SCG5: variants seen among roughly 807,000 people sequenced by gnomAD.
The protein encoded by SCG5 is neuroendocrine protein 7B2.
Under a neutral mutation model 25.7 loss-of-function variants are expected in SCG5, and 18 were observed. The ratio of observed to expected loss-of-function variants is 0.70; its 90% CI spans 0.48 to 1.04. The LOEUF (loss-of-function observed/expected upper bound fraction) is 1.04, where lower values mean the gene tolerates loss of function less well. Ranked by LOEUF, SCG5 falls within the 50% of genes least tolerant of loss-of-function variation. The probability of loss-of-function intolerance (pLI) is 0.00; values close to 1 mark genes in which losing one functional copy is unlikely to be tolerated. For synonymous variants in SCG5, 101 were observed against 91.7 expected, an observed-to-expected ratio of 1.10 and a Z score of -0.58; for missense variants, 206 against 259.8, an observed-to-expected ratio of 0.79 and a Z score of 1.42.
chr15:32,678,076 G>A (rs781544087), intron 2 of SCG5, among the ~76,000 whole-genome samples: 6 of 152,184 alleles, frequency 3.9e-5, no homozygotes, highest in South Asian at 2.1e-4. Context: ...AAATAACATG[G>A]ATTAAAGAGT....
intron 4 of SCG5, among the ~76,000 whole-genome samples, chr15:32,688,170 G>A (rs904027945): frequency 2.0e-5 from 3 of 152,078 alleles, no homozygotes; most frequent in African/African-American, 7.2e-5. Flanking sequence ...CCTGTCCTGT[G>A]TGGTAGTCCT....
At chr15:32,645,857 G>A (rs900522430) in intron 2 of SCG5, among the ~76,000 whole-genome samples, 2 of 151,996 alleles carry the variant, frequency 1.3e-5, no homozygotes, top group East Asian at 1.9e-4. Context: ...GTCTCACTCT[G>A]TCACCCAGGC....
rs150285084 is a variant in SCG5, at chr15:32,647,630, C to T, written c.226+3812C>T. ...CTTTCCTCACATGCCAATTGTACTT[C>T]TTCACCTCTCATTCTCTCCTGGTCC... On this transcript the variant is annotated intron_variant, in intron 2 of 5. Transcript: ENST00000300175. 5.5e-3 allele frequency among the ~76,000 whole-genome samples: 836 copies of T among 152,286 alleles called. 4 individuals are homozygous for T. The highest frequency in any genetic ancestry group is 0.019 in the African/African-American group (787 of 41,530).
rs775901071 is a variant in SCG5 at position 32,691,916 on chromosome 15, A to C, written c.543+153A>C. 37 of 1,476,536 alleles carry C rather than the reference A, an allele frequency of 2.5e-5. No homozygotes were observed. The South Asian group carries it at 5.1e-4, about 20-fold the overall frequency. 91.5% of individuals were successfully genotyped at this position (1,476,536 alleles called of 1,614,324 possible). On this transcript the variant is annotated intron_variant, in intron 5 of 5. Transcript: ENST00000300175. ...GGTCCATGTGACAAGGGCCACACCC[A>C]GAAAGTCTGTCCTTGGTTTCTGCGA...
chr15:32,652,828 C>G (rs1401226742), intron 2 of SCG5, among the ~76,000 whole-genome samples: 2 of 152,146 alleles, frequency 1.3e-5, no homozygotes, highest in East Asian at 3.8e-4. Context: ...TTAACTTTTA[C>G]AACTATAACT....
intron 2 of SCG5, among the ~76,000 whole-genome samples, chr15:32,678,156 G>A (rs1341070298): frequency 6.6e-6 from 1 of 152,208 alleles, no homozygotes; most frequent in East Asian, 1.9e-4. Context: ...CAACGATTTT[G>A]TGCATTTAGA....
chr15:32,659,858 T>A (rs1049326526), intron 2 of SCG5, among the ~76,000 whole-genome samples: 1 of 152,004 alleles, frequency 6.6e-6, no homozygotes, highest in Non-Finnish European at 1.5e-5. Flanking sequence ...GTCCCTTCTC[T>A]GTATCTTGCT....
At chr15:32,681,452 A>AT (rs1567085650) in intron 3 of SCG5, among the ~76,000 whole-genome samples, 1 of 151,204 alleles carries the variant, frequency 6.6e-6, no homozygotes, top group Non-Finnish European at 1.5e-5. Context: ...TTGTGATAAC[A>AT]TTGACTACTC....
chr15:32,668,535 G>T (rs1318165737), intron 2 of SCG5, among the ~76,000 whole-genome samples: 1 of 152,212 alleles, frequency 6.6e-6, no homozygotes, highest in Non-Finnish European at 1.5e-5. Flanking sequence ...GCGGAACCAG[G>T]TCAGCTGGTG....
At chr15:32,691,631 A>T in intron 4 of SCG5, 79 bp from the exon 5 acceptor site, 3 of 1,097,410 alleles carry the variant, frequency 2.7e-6, no homozygotes, top group Non-Finnish European at 4.0e-6. Flanking sequence ...GGACACACCA[A>T]GTATTGCTTT....
chr15:32,643,550 T>C (rs1482929287), intron 1 of SCG5, 36 bp from the exon 2 acceptor site: 1 of 1,489,812 alleles, frequency 6.7e-7, no homozygotes, highest in Admixed American at 1.7e-5. Context: ...TTGCCGATTG[T>C]AGCCTATCAG....
chr15:32,652,082 T>C (rs1039317379), intron 2 of SCG5, among the ~76,000 whole-genome samples: 5 of 151,972 alleles, frequency 3.3e-5, no homozygotes, highest in Non-Finnish European at 5.9e-5. Flanking sequence ...ACCAGAAAGA[T>C]AGAGTGTAAT....
intron 4 of SCG5, among the ~76,000 whole-genome samples, chr15:32,689,841 CT>C (rs537073829): frequency 0.027 from 3,712 of 135,006 alleles, 112 homozygotes; most frequent in African/African-American, 0.091. Context: ...TTTTGCATTT[CT>C]TTTTTTTTTT....
chr15:32,660,033 G>A (rs542967902), intron 2 of SCG5, among the ~76,000 whole-genome samples: 1 of 152,330 alleles, frequency 6.6e-6, no homozygotes, highest in Non-Finnish European at 1.5e-5. Context: ...AGAGGAAAGA[G>A]CAGTTATTCT....
At position 32,684,604 on chromosome 15, in the gene SCG5, C is replaced by T. The variant is rs771862859; in HGVS notation, c.424C>T (p.Arg142Ter). 14 of 1,613,700 alleles carry T rather than the reference C, an allele frequency of 8.7e-6. No individual in the cohort carries two copies. The highest frequency in any genetic ancestry group is 1.3e-5 in the African/African-American group (1 of 74,916). The change falls in exon 4 of 6, where the codon CGA becomes TGA. Residue 142 changes from arginine (R) to a stop codon, truncating the protein, a stop_gained. Coordinates refer to ENST00000300175, the MANE Select transcript of SCG5 (RefSeq NM_001144757.3). LOFTEE classifies it high-confidence loss of function. ...ENTPDTAEFS[R>*]EFQLHQHLFD... ...CACCCCTGACACTGCAGAGTTCAGT[C>T]GAGAGTTCCAGTTGCACCAGCATCT...
chr15:32,645,256 A>G (rs1002929257), intron 2 of SCG5, among the ~76,000 whole-genome samples: 1 of 152,220 alleles, frequency 6.6e-6, no homozygotes, highest in Non-Finnish European at 1.5e-5. Context: ...AGCTGTTGTC[A>G]TGGAGTTCTC....
intron 4 of SCG5, among the ~76,000 whole-genome samples, chr15:32,690,574 C>A (rs2054832495): frequency 6.6e-6 from 1 of 152,190 alleles, no homozygotes; most frequent in Non-Finnish European, 1.5e-5. Context: ...GTAGTAGAGG[C>A]TCCTTCACTC....
At chr15:32,687,486 A>G (rs2054736819) in intron 4 of SCG5, among the ~76,000 whole-genome samples, 1 of 152,176 alleles carries the variant, frequency 6.6e-6, no homozygotes, top group African/African-American at 2.4e-5. Context: ...CCAGTAAAAC[A>G]TTGTTTCCTT....
At chr15:32,653,951 T>C (rs2054073648) in intron 2 of SCG5, among the ~76,000 whole-genome samples, 1 of 152,198 alleles carries the variant, frequency 6.6e-6, no homozygotes. Flanking sequence ...GGAAAATTAT[T>C]ATAATCCACA....
Sources: allele counts gnomAD v4.1 joint callset (sites outside exome capture counted in the v4.1 genomes callset), GRCh38; gene constraint gnomAD v4.1.1; transcripts MANE v1.5; gene names NCBI Gene and HGNC (gene_info 2026-07-23, HGNC 2026-07-21).